The following ZFYVE26 variants were observed in gnomAD, a reference collection of about 807,000 sequenced individuals.
The protein encoded by ZFYVE26 is zinc finger FYVE domain-containing protein 26.
ZFYVE26 carries 181 observed loss-of-function variants against 276.5 expected under a neutral mutation model. The observed-to-expected ratio is 0.65, with a 90% confidence interval of 0.58 to 0.74. The LOEUF (loss-of-function observed/expected upper bound fraction) is 0.74, where lower values mean the gene tolerates loss of function less well. Among genes scored for constraint, ZFYVE26 ranks in the 30% least tolerant of loss-of-function variants. The pLI is 0.00. For synonymous variants in ZFYVE26, 1,129 were observed against 1,203.1 expected, an observed-to-expected ratio of 0.94 and a Z score of 1.27; for missense variants, 2,821 against 3,097.9, an observed-to-expected ratio of 0.91 and a Z score of 2.12.
chr14:67,770,063 A>G (rs2039168166), intron 28 of ZFYVE26: 1 of 359,972 alleles, frequency 2.8e-6, no homozygotes, highest in Admixed American at 3.9e-5. Context: ...ACATTTCTAC[A>G]TGGTATTGAT....
In ZFYVE26 at chr14:67,748,277, T is replaced by A. The variant is rs1195274727; in HGVS notation, c.*159A>T. Reference sequence around the variant, plus strand: ...CATGGCACTTGCGTGAAAGGTCCTATCCTTGCCCGGGAAGGCAAGTAGGGT... The same window carrying A: ...CATGGCACTTGCGTGAAAGGTCCTAACCTTGCCCGGGAAGGCAAGTAGGGT... On this transcript the variant is annotated 3_prime_UTR_variant, in exon 42 of 42. Coordinates refer to ENST00000347230, the MANE Select transcript of ZFYVE26 (RefSeq NM_015346.4). 2.0e-5 allele frequency: 15 copies of A among 768,594 alleles called. No individual in the cohort carries two copies. In the Admixed American group the frequency reaches 4.0e-4, roughly 21 times the overall value. The allele number at this position is 768,594 out of a possible 1,614,324, so 47.6% of individuals were successfully genotyped here.
At chr14:67,731,609 TATC>T (rs1290757942) in intron 13 of ZFYVE26, among the ~76,000 whole-genome samples, 1 of 152,014 alleles carries the variant, frequency 6.6e-6, no homozygotes, top group Non-Finnish European at 1.5e-5. Flanking sequence ...AGTCATTAAA[TATC>T]ATATTTTAAT....
intron 13 of ZFYVE26, among the ~76,000 whole-genome samples, chr14:67,734,644 C>T (rs2038329756): frequency 6.6e-6 from 1 of 152,184 alleles, no homozygotes. Flanking sequence ...TGTGTAGCTG[C>T]TGGGAGGAAT....
At chr14:67,769,508 C>G (rs886102865) in intron 29 of ZFYVE26, 86 bp downstream of exon 29, 60 of 1,586,864 alleles carry the variant, frequency 3.8e-5, no homozygotes, top group Non-Finnish European at 4.7e-5. Flanking sequence ...TTGAAATGCT[C>G]TCATAATGAG....
At chr14:67,732,515 T>C (rs8018479) in intron 13 of ZFYVE26, among the ~76,000 whole-genome samples, 73,441 of 141,770 alleles carry the variant, frequency 0.52, 20,459 homozygotes, top group Non-Finnish European at 0.63. Flanking sequence ...AGACTATATC[T>C]CTATTTATAT....
At chr14:67,794,367 G>A (rs1594926561) in intron 12 of ZFYVE26, 128 bp from the exon 13 acceptor site, 9 of 928,822 alleles carry the variant, frequency 9.7e-6, no homozygotes, top group Middle Eastern at 2.1e-4. Flanking sequence ...TATGACACCT[G>A]CTGCTCCTTC....
chr14:67,743,212 G>A (rs1334240021), downstream of ZFYVE26, among the ~76,000 whole-genome samples: 1 of 152,116 alleles, frequency 6.6e-6, no homozygotes, highest in Non-Finnish European at 1.5e-5. Context: ...TAACAGCTGG[G>A]TGTGGTGGCT....
At chr14:67,749,173 A>G (rs887862313) in intron 41 of ZFYVE26, among the ~76,000 whole-genome samples, 1 of 152,176 alleles carries the variant, frequency 6.6e-6, no homozygotes, top group Non-Finnish European at 1.5e-5. Context: ...AGGAATGAAT[A>G]AACCATCAGA....
intron 41 of ZFYVE26, among the ~76,000 whole-genome samples, chr14:67,749,869 A>AG (rs2038589039): frequency 6.6e-6 from 1 of 152,188 alleles, no homozygotes. Flanking sequence ...TCCTACCAAG[A>AG]GAAGAAGGGC....
In ZFYVE26 at chr14:67,746,622, C is replaced by G. The variant is rs745522794; in HGVS notation, c.*1814G>C. On this transcript the variant is annotated 3_prime_UTR_variant, in exon 42 of 42. Transcript: ENST00000347230. ...GGTGTTTTTCTGTTGGAGACTACAG[C>G]GTGGTGTTCAAAGGCTTTTAGCCTC... is the stretch of plus-strand genomic sequence containing the variant. 2.0e-5 allele frequency: 3 copies of G among 152,184 alleles called. No individual in the cohort carries two copies. Among genetic ancestry groups the G allele is most frequent in the African/African-American group, 7.2e-5 (3 of 41,422 alleles). The allele number at this position is 152,184 out of a possible 1,614,324, so 9.4% of individuals were successfully genotyped here. A position where few individuals can be genotyped will look rare whatever the true frequency, so the allele number is the denominator to read the frequency against.
intron 4 of ZFYVE26, 106 bp from the exon 5 acceptor site, chr14:67,808,026 C>T (rs563641602): frequency 1.0e-5 from 14 of 1,343,076 alleles, no homozygotes; most frequent in Middle Eastern, 2.0e-4. Context: ...ATAATAGTGG[C>T]GGTAACAAAT....
At chr14:67,798,935 T>C (rs2040020843) in intron 10 of ZFYVE26, 2 of 1,099,970 alleles carry the variant, frequency 1.8e-6, no homozygotes, top group Admixed American at 1.8e-5. Context: ...TTGGCGCCTC[T>C]GATCTTTATT....
In ZFYVE26 at chr14:67,807,841, C is replaced by A. The variant is rs144919978; in HGVS notation, c.443G>T (p.Arg148Leu). 5.0e-6 allele frequency: 8 copies of A among 1,613,778 alleles called. No individual in the cohort carries two copies. Among genetic ancestry groups the A allele is most frequent in the African/African-American group, 1.3e-5 (1 of 74,912 alleles). ...GNPRRESWTP[R>L]LSSEAVSVLW... ...CACAGAGACAGCTTCGGAGCTGAGA[C>A]GAGGAGTCCAGCTCTCCCTCCTTGG... Residue 148 changes from arginine (R) to leucine (L), a missense_variant, in exon 5 of 42, where the codon CGT (arginine) becomes CTT (leucine). Coordinates refer to ENST00000347230, the MANE Select transcript of ZFYVE26 (RefSeq NM_015346.4).
chr14:67,793,659 C>T lies in ZFYVE26; in HGVS notation c.2502G>A (p.Glu834=), dbSNP rs2039879050. 6.2e-7 allele frequency: 1 copy of T among 1,613,738 alleles called. No homozygotes were observed. The change falls in exon 14 of 42, where the codon GAG becomes GAA. Residue 834 remains glutamate (E), a synonymous_variant. Coordinates refer to ENST00000347230, the MANE Select transcript of ZFYVE26 (RefSeq NM_015346.4). ...SLIPMMFSPP[E]SLLASCILRG... is the part of the protein sequence containing the mutation. Reference sequence around the variant, plus strand: ...GAAGGATGCAGGATGCCAGCAGTGACTCAGGTGGGGAGAACATCATGGGGA... The same window carrying T: ...GAAGGATGCAGGATGCCAGCAGTGATTCAGGTGGGGAGAACATCATGGGGA...
At chr14:67,797,014 T>C (rs1368271174) in intron 12 of ZFYVE26, 12 of 152,542 alleles carry the variant, frequency 7.9e-5, no homozygotes, top group Admixed American at 7.8e-4. Context: ...CTTCATAGTA[T>C]TGTGAGGATT....
In ZFYVE26 at chr14:67,781,334, T is replaced by G. The variant is rs1288973402; in HGVS notation, c.4568A>C (p.Lys1523Thr). 1 of 1,614,168 alleles carries G rather than the reference T, an allele frequency of 6.2e-7. No individual in the cohort carries two copies. Among genetic ancestry groups the G allele is most frequent in the East Asian group, 2.2e-5 (1 of 44,884 alleles). The change falls in exon 22 of 42, where the codon AAG (lysine) becomes ACG (threonine). Residue 1523 changes from lysine (K) to threonine (T), a missense_variant and splice_region_variant. Physicochemically the swap from Lys to Thr is moderately conservative, Grantham distance 78. Transcript: ENST00000347230. ...TTCTCTTGATGCGAGGGCCCATACC[T>G]TCTGATACACCTGCAGCTCCGCCAG... ...RKLAELQVYQKILGLQSPPVW... is the reference protein window; with the variant it reads ...RKLAELQVYQTILGLQSPPVW...
chr14:67,741,629 G>A (rs2038415951), downstream of ZFYVE26, among the ~76,000 whole-genome samples: 1 of 152,184 alleles, frequency 6.6e-6, no homozygotes, highest in Admixed American at 6.5e-5. Context: ...GCCTTATAAA[G>A]TATTTGAGAA....
chr14:67,749,430 T>G (rs1413487001), intron 41 of ZFYVE26, among the ~76,000 whole-genome samples: 1 of 152,154 alleles, frequency 6.6e-6, no homozygotes, highest in Non-Finnish European at 1.5e-5. Context: ...AATCCCCAGC[T>G]TGGTGGAGAC....
chr14:67,748,636 G>C lies in ZFYVE26; in HGVS notation c.7420C>G (p.Arg2474Gly), dbSNP rs756257064. ...QAIHNDDNKV[R>G]AYLICCKLRS... is the part of the protein sequence containing the mutation. Reference sequence around the variant, plus strand: ...AGTTTGCAACATATCAGGTAGGCCCGAACCTGGCAGTCAGTTATAAGAGAC... The same window carrying C: ...AGTTTGCAACATATCAGGTAGGCCCCAACCTGGCAGTCAGTTATAAGAGAC... The change falls in exon 42 of 42, where the codon CGG (arginine) becomes GGG (glycine). Residue 2474 changes from arginine (R) to glycine (G), a missense_variant. Coordinates refer to ENST00000347230, the MANE Select transcript of ZFYVE26 (RefSeq NM_015346.4). 1 of 1,613,732 alleles carries C rather than the reference G, an allele frequency of 6.2e-7. No individual in the cohort carries two copies. The highest frequency in any genetic ancestry group is 8.5e-7 in the Non-Finnish European group (1 of 1,180,034).
Sources: allele counts gnomAD v4.1 joint callset (sites outside exome capture counted in the v4.1 genomes callset), GRCh38; gene constraint gnomAD v4.1.1; transcripts MANE v1.5; gene names NCBI Gene and HGNC (gene_info 2026-07-23, HGNC 2026-07-21).